The following BCR variants were observed in gnomAD, a reference collection of about 807,000 sequenced individuals.
The protein encoded by BCR is BCR activator of RhoGEF and GTPase.
BCR carries 58 observed loss-of-function variants against 138.6 expected under a neutral mutation model. That is an observed-to-expected ratio of 0.42 (90% CI 0.34 to 0.52). The LOEUF (loss-of-function observed/expected upper bound fraction) is 0.52, where lower values mean the gene tolerates loss of function less well. Ranked by LOEUF, BCR falls within the 20% of genes least tolerant of loss-of-function variation. The probability of loss-of-function intolerance (pLI) is 0.06; values close to 1 mark genes in which losing one functional copy is unlikely to be tolerated. For missense variants in BCR, 1,599 were observed against 1,727.2 expected (o/e 0.93, Z 1.32); for synonymous variants, 786 against 730.1 (o/e 1.08, Z -1.23).
intron 1 of BCR, among the ~76,000 whole-genome samples, chr22:23,182,935 C>T (rs1165525947): frequency 6.6e-6 from 1 of 152,188 alleles, no homozygotes; most frequent in Non-Finnish European, 1.5e-5. Context: ...TCTGATCTGC[C>T]TGGCTTTGAT....
Position 23,261,337 on chromosome 22 carries a change from A to G in BCR, c.1567-18A>G. 1.2e-6 allele frequency: 2 copies of G among 1,606,190 alleles called. No individual in the cohort carries two copies. The highest frequency in any genetic ancestry group is 2.2e-5 in the East Asian group (1 of 44,708). On this transcript the variant is annotated intron_variant, in intron 3 of 22. Transcript: ENST00000305877. Reference sequence around the variant, plus strand: ...CAGCCCCTCTCACCTGTGCTACCTCACTTGTGCCCTCTTCCAGCCCATGAA... The same window carrying G: ...CAGCCCCTCTCACCTGTGCTACCTCGCTTGTGCCCTCTTCCAGCCCATGAA...
Position 23,253,843 on chromosome 22 carries a change from C to G in BCR, c.1324C>G (p.Arg442Gly). Reference protein sequence around the residue: ...TPPGYGCAADRAEEQRRHQDG... With the variant: ...TPPGYGCAADGAEEQRRHQDG... ...ACCTGGATACGGCTGCGCTGCAGAC[C>G]GGGCAGAGGAGCAGCGCCGGCACCA... is the stretch of plus-strand genomic sequence containing the variant. The change falls in exon 2 of 23, where the codon CGG becomes GGG. Residue 442 changes from arginine to glycine, a missense_variant. Physicochemically the swap from Arg to Gly is moderately radical, Grantham distance 125 (BLOSUM62 -2). Around this residue, in one of 4 missense-constraint regions of BCR, gnomAD observed 590 missense variants for 762.4 expected, o/e 0.77. Transcript: ENST00000305877. 1 of 1,612,988 alleles carries G rather than the reference C, an allele frequency of 6.2e-7. No individual in the cohort carries two copies. Among genetic ancestry groups the G allele is most frequent in the Non-Finnish European group, 8.5e-7 (1 of 1,179,938 alleles).
rs1281035706 is a variant in BCR at position 23,249,771 on chromosome 22, G to C, written c.1280-4028G>C. Among the ~76,000 whole-genome samples, 4 of 152,170 alleles carry C rather than the reference G, an allele frequency of 2.6e-5. No individual in the cohort carries two copies. In the East Asian group the frequency reaches 7.7e-4, roughly 29 times the overall value. ...AGACTGGAAGAGTCAGCAGAATGAG[G>C]GGCAACAAGTATGGATTGGAGTGAT... On this transcript the variant is annotated intron_variant, in intron 1 of 22. Transcript: ENST00000305877.
chr22:23,208,586 C>G (rs1318129165), intron 1 of BCR, among the ~76,000 whole-genome samples: 1 of 152,180 alleles, frequency 6.6e-6, no homozygotes, highest in African/African-American at 2.4e-5. Context: ...GGCACTGTGG[C>G]TCATGCCTAT....
At chr22:23,200,970 A>C (rs2146209423) in intron 1 of BCR, among the ~76,000 whole-genome samples, 1 of 152,298 alleles carries the variant, frequency 6.6e-6, no homozygotes, top group East Asian at 1.9e-4. Context: ...TTAGGAGCCC[A>C]AGTTTTGCCT....
At chr22:23,216,548 A>G (rs543645844) in intron 1 of BCR, among the ~76,000 whole-genome samples, 15 of 152,368 alleles carry the variant, frequency 9.8e-5, no homozygotes, top group Non-Finnish European at 1.5e-4. Context: ...AAGTGGAAAA[A>G]GTGAGATGCC....
chr22:23,314,480 C>A, intron 21 of BCR, 72 bp from the exon 22 acceptor site: 1 of 1,558,930 alleles, frequency 6.4e-7, no homozygotes, highest in Admixed American at 1.7e-5. Flanking sequence ...AGAACTCCAG[C>A]ACAGCCCAGC....
intron 1 of BCR, among the ~76,000 whole-genome samples, chr22:23,202,318 T>C (rs1237960727): frequency 6.6e-6 from 1 of 152,168 alleles, no homozygotes; most frequent in Non-Finnish European, 1.5e-5. Flanking sequence ...TGGTGAAATA[T>C]ATATACAAAT....
At chr22:23,202,487 G>T (rs146514083) in intron 1 of BCR, among the ~76,000 whole-genome samples, 1 of 152,112 alleles carries the variant, frequency 6.6e-6, no homozygotes, top group East Asian at 1.9e-4. Context: ...CTGAAAATCT[G>T]TACTCATTTC....
chr22:23,263,022 T>G, intron 4 of BCR: 1 of 773,064 alleles, frequency 1.3e-6, no homozygotes, highest in East Asian at 3.2e-5. Flanking sequence ...AGGAAGAAAG[T>G]ATGGGAAGGA....
At chr22:23,263,228 A>G (rs1434461786) in intron 4 of BCR, 6 of 997,078 alleles carry the variant, frequency 6.0e-6, no homozygotes, top group African/African-American at 3.2e-5. Context: ...GCCTGCCGGA[A>G]GTGCTGCTGC....
intron 15 of BCR, among the ~76,000 whole-genome samples, chr22:23,293,194 C>CT (rs2073809103): frequency 6.6e-6 from 1 of 152,160 alleles, no homozygotes; most frequent in Admixed American, 6.5e-5. Context: ...CCCGTATTGA[C>CT]TAAGTCCCAG....
At chr22:23,314,742 C>T (rs2074049359) in intron 22 of BCR, 28 bp downstream of exon 22, 3 of 1,611,364 alleles carry the variant, frequency 1.9e-6, no homozygotes, top group African/African-American at 2.7e-5. Context: ...CCAGCCCATG[C>T]AACCCTGACC....
intron 2 of BCR, among the ~76,000 whole-genome samples, chr22:23,259,485 G>A (rs1024847032): frequency 6.6e-6 from 1 of 151,538 alleles, no homozygotes; most frequent in Non-Finnish European, 1.5e-5. Context: ...TGGGCAACAT[G>A]ACAAGACCTT....
rs755855526 is a variant in BCR, at chr22:23,182,131, C to T, written c.1171C>T (p.Arg391Trp). 4 of 1,611,214 alleles carry T rather than the reference C, an allele frequency of 2.5e-6. No individual in the cohort carries two copies. Among genetic ancestry groups the T allele is most frequent in the South Asian group, 2.2e-5 (2 of 91,050 alleles). ...SSPPTPQCHKRHRHCPVVVSE... is the reference protein window; with the variant it reads ...SSPPTPQCHKWHRHCPVVVSE... ...TCCCCCCACGCCGCAGTGCCATAAG[C>T]GGCACCGGCACTGCCCGGTTGTCGT... Residue 391 changes from arginine (R) to tryptophan (W), a missense_variant, in exon 1 of 23, where the codon CGG (arginine) becomes TGG (tryptophan). Coordinates refer to ENST00000305877, the MANE Select transcript of BCR (RefSeq NM_004327.4).
At chr22:23,267,435 G>A (rs1489822315) in intron 4 of BCR, among the ~76,000 whole-genome samples, 1 of 152,154 alleles carries the variant, frequency 6.6e-6, no homozygotes, top group Admixed American at 6.5e-5. Flanking sequence ...CAGTGCCAAG[G>A]GTGCCTGGTT....
intron 10 of BCR, among the ~76,000 whole-genome samples, chr22:23,286,483 G>A (rs2146302463): frequency 6.6e-6 from 1 of 152,318 alleles, no homozygotes; most frequent in Middle Eastern, 3.4e-3. Context: ...GTGGGACTGT[G>A]ACCTCCAGGG....
At chr22:23,285,232 G>C in intron 10 of BCR, 31 bp downstream of exon 10, 1 of 1,592,118 alleles carries the variant, frequency 6.3e-7, no homozygotes, top group African/African-American at 1.3e-5. Context: ...GGCCGGGTTT[G>C]GTGTGGTCAG....
intron 8 of BCR, among the ~76,000 whole-genome samples, chr22:23,278,140 G>C (rs1422511259): frequency 6.6e-6 from 1 of 152,220 alleles, no homozygotes; most frequent in Non-Finnish European, 1.5e-5. Flanking sequence ...TGTCTACTCG[G>C]AGCCTTGGCA....
Sources: gnomAD v4.1 joint callset for allele counts (sites outside exome capture counted in the v4.1 genomes callset) on GRCh38, gnomAD v4.1.1 for gene constraint, gnomAD v4.1.1 regional missense constraint, MANE v1.5 for transcripts, NCBI Gene and HGNC (gene_info 2026-07-23, HGNC 2026-07-21) for gene names.